FAM168B: variants seen among roughly 807,000 people sequenced by gnomAD.
FAM168B encodes family with sequence similarity 168 member B.
A neutral mutation model predicts 21.8 loss-of-function variants in FAM168B; 19 were observed. The observed-to-expected ratio is 0.87, with a 90% CI of 0.61 to 1.28. FAM168B has a LOEUF of 1.28. FAM168B is among the 50% of genes most tolerant of loss of function. The pLI is 0.00. For synonymous variants in FAM168B, 126 were observed against 104.8 expected (o/e 1.20, Z -1.24); for missense variants, 233 against 263.1 (o/e 0.89, Z 0.79).
At chr2:131,092,652 C>A (rs1179485945) in intron 1 of FAM168B, among the ~76,000 whole-genome samples, 1 of 152,108 alleles carries the variant, frequency 6.6e-6, no homozygotes, top group Admixed American at 6.6e-5. Context: ...CAGAAATACC[C>A]TTATTTGTGG....
At chr2:131,053,853 C>A (rs1384179405) in intron 5 of FAM168B, among the ~76,000 whole-genome samples, 1 of 151,360 alleles carries the variant, frequency 6.6e-6, no homozygotes, top group African/African-American at 2.4e-5. Flanking sequence ...CAAGCCTGGG[C>A]AAAAGGGCAA....
At chr2:131,065,197 C>A (rs952551655) in intron 3 of FAM168B, among the ~76,000 whole-genome samples, 7 of 152,090 alleles carry the variant, frequency 4.6e-5, no homozygotes, top group Non-Finnish European at 4.4e-5. Context: ...ACGGAAGGCA[C>A]GAGCAAAAGC....
At chr2:131,062,340 A>G (rs1692345564) in intron 3 of FAM168B, among the ~76,000 whole-genome samples, 1 of 152,214 alleles carries the variant, frequency 6.6e-6, no homozygotes, top group African/African-American at 2.4e-5. Context: ...TAGGATACAC[A>G]GTCGAGGGGC....
At position 131,055,341 on chromosome 2, in the gene FAM168B, T is replaced by C. The variant is rs1327518626; in HGVS notation, c.406A>G (p.Ile136Val). 1.3e-6 allele frequency: 2 copies of C among 1,583,610 alleles called. No individual in the cohort carries two copies. Among genetic ancestry groups the C allele is most frequent in the Non-Finnish European group, 1.7e-6 (2 of 1,170,782 alleles). Reference sequence around the variant, plus strand: ...ACCCCGTTGCCTCTAGGAGGGGGGATGGGAGCAGGGTACACCGTTGCAGGC... The same window carrying C: ...ACCCCGTTGCCTCTAGGAGGGGGGACGGGAGCAGGGTACACCGTTGCAGGC... ...GMPATVYPAPIPPPRGNGVTM... is the reference protein window; with the variant it reads ...GMPATVYPAPVPPPRGNGVTM... Residue 136 changes from isoleucine (I) to valine (V), a missense_variant, in exon 5 of 7, where the codon ATC becomes GTC. Transcript: ENST00000389915.
chr2:131,087,051 G>A (rs1364541471), intron 1 of FAM168B, among the ~76,000 whole-genome samples: 7 of 62,078 alleles, frequency 1.1e-4, no homozygotes, highest in Non-Finnish European at 1.4e-4. Flanking sequence ...GGGCGACAGC[G>A]AGACTCCGTC....
intron 2 of FAM168B, among the ~76,000 whole-genome samples, chr2:131,076,652 TAAAAAAAAAAA>T: frequency 1.0e-5 from 1 of 96,326 alleles, no homozygotes; most frequent in East Asian, 3.0e-4. Flanking sequence ...GACTCCGTCT[TAAAAAAAAAAA>T]AAAAAAAAGA....
At chr2:131,058,003 G>A (rs1692110858) in intron 3 of FAM168B, among the ~76,000 whole-genome samples, 2 of 151,982 alleles carry the variant, frequency 1.3e-5, no homozygotes, top group South Asian at 4.1e-4. Flanking sequence ...GCTAATTTTT[G>A]TAATTTTTAG....
intron 3 of FAM168B, among the ~76,000 whole-genome samples, chr2:131,065,100 A>C (rs1692489568): frequency 6.6e-6 from 1 of 152,244 alleles, no homozygotes; most frequent in Non-Finnish European, 1.5e-5. Context: ...TCGGGGCAGC[A>C]AAGTGAGAAG....
At chr2:131,082,138 CCT>C (rs2105568734) in intron 2 of FAM168B, among the ~76,000 whole-genome samples, 1 of 152,260 alleles carries the variant, frequency 6.6e-6, no homozygotes, top group African/African-American at 2.4e-5. Flanking sequence ...AGCAGACTCC[CCT>C]TTGTGGCCCA....
At chr2:131,061,941 G>A (rs1692321784) in intron 3 of FAM168B, among the ~76,000 whole-genome samples, 1 of 152,116 alleles carries the variant, frequency 6.6e-6, no homozygotes, top group Non-Finnish European at 1.5e-5. Context: ...CTATGCCACT[G>A]GACATGTTCA....
intron 3 of FAM168B, among the ~76,000 whole-genome samples, chr2:131,066,421 C>T (rs1426940073): frequency 6.6e-6 from 1 of 152,092 alleles, no homozygotes; most frequent in African/African-American, 2.4e-5. Context: ...GTGATCCGTC[C>T]GCCTCGGCCT....
Position 131,058,536 on chromosome 2 carries a change from G to T in FAM168B, c.155-2841C>A, listed in dbSNP as rs917595721. ...CAACCTCAGCTAGTCTCCATTTGAA[G>T]AAAGAAAAGATTCCTCCAGGGCTCC... is the stretch of plus-strand genomic sequence containing the variant. On this transcript the variant is annotated intron_variant, in intron 3 of 6. Coordinates refer to ENST00000389915, the MANE Select transcript of FAM168B (RefSeq NM_001009993.4). Among the ~76,000 whole-genome samples the T allele has an allele frequency of 5.3e-5, 8 of 152,182 alleles. No homozygotes were observed. The East Asian group carries it at 7.7e-4, about 15-fold the overall frequency.
chr2:131,087,014 C>T (rs547584397), intron 1 of FAM168B, among the ~76,000 whole-genome samples: 2 of 80,204 alleles, frequency 2.5e-5, no homozygotes, highest in South Asian at 4.2e-4. Flanking sequence ...TGCAGTGAGC[C>T]GAGATTGCGC....
At chr2:131,084,363 G>GT (rs1285977028) in intron 1 of FAM168B, among the ~76,000 whole-genome samples, 64 of 150,778 alleles carry the variant, frequency 4.2e-4, no homozygotes, top group African/African-American at 1.4e-3. Context: ...GCTAAGTTTT[G>GT]TATTTTTTTT....
intron 3 of FAM168B, among the ~76,000 whole-genome samples, chr2:131,061,153 AT>A (rs1692274855): frequency 7.3e-6 from 1 of 137,912 alleles, no homozygotes; most frequent in African/African-American, 2.6e-5. Flanking sequence ...GCCTGGCCCA[AT>A]TTTTTTAATA....
intron 5 of FAM168B, among the ~76,000 whole-genome samples, chr2:131,053,259 A>G (rs1180845028): frequency 6.6e-6 from 1 of 152,172 alleles, no homozygotes; most frequent in African/African-American, 2.4e-5. Flanking sequence ...CATAAAGCAC[A>G]CCCAATAATT....
intron 3 of FAM168B, among the ~76,000 whole-genome samples, chr2:131,067,199 G>T (rs1692610154): frequency 6.6e-6 from 1 of 152,134 alleles, no homozygotes; most frequent in Admixed American, 6.6e-5. Flanking sequence ...CTTGATGTGT[G>T]CATACACAGC....
rs575088654 is a variant in FAM168B, at chr2:131,086,714, T to C, written c.-11-4057A>G. Among the ~76,000 whole-genome samples, 12 of 152,256 alleles carry C rather than the reference T, an allele frequency of 7.9e-5. No individual in the cohort carries two copies. The South Asian group carries it at 8.3e-4, about 11-fold the overall frequency. On this transcript the variant is annotated intron_variant, in intron 1 of 6. Coordinates refer to ENST00000389915, the MANE Select transcript of FAM168B (RefSeq NM_001009993.4). ...CATCGTATTGGACAGTGCAAACATA[T>C]ACATAATAAGATTAAAAGTATGAAT... is the stretch of plus-strand genomic sequence containing the variant.
chr2:131,060,109 T>TCCA (rs1242319561), intron 3 of FAM168B, among the ~76,000 whole-genome samples: 1 of 152,018 alleles, frequency 6.6e-6, no homozygotes, highest in South Asian at 2.1e-4. Flanking sequence ...CACTGCAACC[T>TCCA]CCACCTCCCA....
Sources: gnomAD v4.1 joint callset for allele counts (sites outside exome capture counted in the v4.1 genomes callset) on GRCh38, gnomAD v4.1.1 for gene constraint, MANE v1.5 for transcripts, NCBI Gene and HGNC (gene_info 2026-07-23, HGNC 2026-07-21) for gene names.